GMDS: variants seen among roughly 807,000 people sequenced by gnomAD.
The protein encoded by GMDS is GDP-mannose 4,6-dehydratase.
A neutral mutation model predicts 49.9 loss-of-function variants in GMDS; 20 were observed. The observed-to-expected ratio is 0.40, with a 90% CI of 0.28 to 0.58. The LOEUF (loss-of-function observed/expected upper bound fraction) is 0.58, where lower values mean the gene tolerates loss of function less well. GMDS is among the 20% of genes least tolerant of loss of function. GMDS has a pLI of 0.42. For synonymous variants in GMDS, 177 were observed against 178.6 expected, an observed-to-expected ratio of 0.99 and a Z score of 0.07; for missense variants, 362 against 481.4, an observed-to-expected ratio of 0.75 and a Z score of 2.32.
intron 6 of GMDS, among the ~76,000 whole-genome samples, chr6:1,943,752 T>G (rs1260931020): frequency 6.6e-6 from 1 of 152,232 alleles, no homozygotes; most frequent in Non-Finnish European, 1.5e-5. Flanking sequence ...GCAGCTTGTC[T>G]CTCTTCTGAC....
intron 6 of GMDS, among the ~76,000 whole-genome samples, chr6:1,931,241 A>T (rs1762270534): frequency 6.6e-6 from 1 of 152,220 alleles, no homozygotes; most frequent in Admixed American, 6.5e-5. Context: ...TTGCAGATGA[A>T]GCAGGGAGGC....
At chr6:2,132,962 TAC>T (rs1182682328) in intron 1 of GMDS, among the ~76,000 whole-genome samples, 1 of 152,204 alleles carries the variant, frequency 6.6e-6, no homozygotes, top group African/African-American at 2.4e-5. Context: ...AGTAAATAGC[TAC>T]ACATATTAAA....
intron 7 of GMDS, among the ~76,000 whole-genome samples, chr6:1,744,317 C>T (rs977296245): frequency 8.5e-5 from 13 of 152,092 alleles, no homozygotes; most frequent in Non-Finnish European, 2.9e-5. Flanking sequence ...CAGTGATATT[C>T]TATAAAGTAA....
chr6:1,650,891 C>T (rs1481676556), intron 9 of GMDS, among the ~76,000 whole-genome samples: 2 of 152,168 alleles, frequency 1.3e-5, no homozygotes, highest in Admixed American at 1.3e-4. Context: ...ATTTTCTATT[C>T]TCATCCTCTG....
chr6:1,752,053 T>C (rs1252837760), intron 7 of GMDS, among the ~76,000 whole-genome samples: 1 of 152,180 alleles, frequency 6.6e-6, no homozygotes, highest in Non-Finnish European at 1.5e-5. Context: ...TTGACAGAAG[T>C]AGGCTTCAGA....
At chr6:2,071,321 T>C (rs1771982464) in intron 4 of GMDS, among the ~76,000 whole-genome samples, 1 of 152,220 alleles carries the variant, frequency 6.6e-6, no homozygotes, top group East Asian at 1.9e-4. Context: ...CTTCTTATCC[T>C]GATGAATTGG....
At chr6:1,982,205 C>T (rs1294437822) in intron 4 of GMDS, among the ~76,000 whole-genome samples, 1 of 152,114 alleles carries the variant, frequency 6.6e-6, no homozygotes, top group African/African-American at 2.4e-5. Flanking sequence ...ACTTGGTAGG[C>T]TGAGGCAGGA....
chr6:2,002,255 G>A (rs959985538), intron 4 of GMDS, among the ~76,000 whole-genome samples: 3 of 152,158 alleles, frequency 2.0e-5, no homozygotes, highest in Admixed American at 6.5e-5. Flanking sequence ...CGGTAGTGGC[G>A]AAAGACAGTG....
intron 9 of GMDS, among the ~76,000 whole-genome samples, chr6:1,692,755 T>C (rs1765218851): frequency 6.6e-6 from 1 of 152,252 alleles, no homozygotes; most frequent in African/African-American, 2.4e-5. Context: ...GTGTCTTCTT[T>C]ATATCTTCCT....
At chr6:2,194,351 AAAG>A (rs1354828866) in intron 1 of GMDS, among the ~76,000 whole-genome samples, 1 of 152,266 alleles carries the variant, frequency 6.6e-6, no homozygotes, top group East Asian at 1.9e-4. Flanking sequence ...TAAGACTTGT[AAAG>A]AAGAGTGAAG....
chr6:2,006,821 T>C (rs530954909), intron 4 of GMDS, among the ~76,000 whole-genome samples: 2 of 152,194 alleles, frequency 1.3e-5, no homozygotes, highest in Non-Finnish European at 2.9e-5. Context: ...ATACAAAATA[T>C]ACGAAGTTTT....
chr6:2,202,688 A>C (rs1363309601), intron 1 of GMDS, among the ~76,000 whole-genome samples: 2 of 152,106 alleles, frequency 1.3e-5, no homozygotes, highest in Non-Finnish European at 1.5e-5. Context: ...CTACTGCATG[A>C]AAGAGCTATT....
chr6:2,230,016 C>G (rs926635171), intron 1 of GMDS, among the ~76,000 whole-genome samples: 3 of 146,668 alleles, frequency 2.0e-5, no homozygotes, highest in Admixed American at 6.7e-5. Flanking sequence ...CCTCTGAAGA[C>G]CTCCCTCCAG....
chr6:1,710,776 G>T (rs1561748238), intron 9 of GMDS, among the ~76,000 whole-genome samples: 1 of 152,232 alleles, frequency 6.6e-6, no homozygotes, highest in South Asian at 2.1e-4. Flanking sequence ...CTCCCTTGCA[G>T]GGCGGGGGTG....
intron 9 of GMDS, among the ~76,000 whole-genome samples, chr6:1,638,525 CG>C (rs1437164995): frequency 6.7e-6 from 1 of 149,842 alleles, no homozygotes; most frequent in African/African-American, 2.5e-5. Flanking sequence ...CCCCAACCCC[CG>C]ACACTATGAG....
At chr6:2,184,466 C>T (rs190377603) in intron 1 of GMDS, among the ~76,000 whole-genome samples, 5 of 152,312 alleles carry the variant, frequency 3.3e-5, no homozygotes, top group Admixed American at 6.5e-5. Context: ...AACACACTAA[C>T]TAGGCTTTTT....
At chr6:2,129,625 T>C (rs1775629139) in intron 1 of GMDS, among the ~76,000 whole-genome samples, 1 of 152,220 alleles carries the variant, frequency 6.6e-6, no homozygotes, top group African/African-American at 2.4e-5. Context: ...TCGTTTGCAC[T>C]GCCTTTTTAT....
chr6:2,012,540 T>C (rs1007054385), intron 4 of GMDS, among the ~76,000 whole-genome samples: 1 of 152,102 alleles, frequency 6.6e-6, no homozygotes, highest in Non-Finnish European at 1.5e-5. Context: ...ACAAGAAAAA[T>C]GCTGAGGAAA....
chr6:2,176,272 A>AT (rs561956632), intron 1 of GMDS, among the ~76,000 whole-genome samples: 1 of 151,858 alleles, frequency 6.6e-6, no homozygotes, highest in African/African-American at 2.4e-5. Context: ...CTTAAAAAAA[A>AT]TTTTTTTTTC....
Sources: gnomAD v4.1 joint callset for allele counts (sites outside exome capture counted in the v4.1 genomes callset) on GRCh38, gnomAD v4.1.1 for gene constraint, MANE v1.5 for transcripts, NCBI Gene and HGNC (gene_info 2026-07-23, HGNC 2026-07-21) for gene names.